The following CAPZA2 variants were observed in gnomAD, a reference collection of about 807,000 sequenced individuals.
CAPZA2 encodes capping actin protein of muscle Z-line subunit alpha 2.
CAPZA2 carries 13 observed loss-of-function variants against 44.0 expected under a neutral mutation model. The ratio of observed to expected loss-of-function variants is 0.30; its 90% CI spans 0.19 to 0.47. The LOEUF (loss-of-function observed/expected upper bound fraction) is 0.47. CAPZA2 is among the 20% of genes least tolerant of loss of function. The pLI is 1.00. For missense variants in CAPZA2, 244 were observed against 338.6 expected (o/e 0.72, Z 2.19); for synonymous variants, 94 against 108.2 (o/e 0.87, Z 0.81).
intron 2 of CAPZA2, among the ~76,000 whole-genome samples, chr7:116,892,517 A>G (rs1796860829): frequency 6.6e-6 from 1 of 152,088 alleles, no homozygotes; most frequent in Non-Finnish European, 1.5e-5. Context: ...AGTGGAGCTC[A>G]TCTCCCCTTT....
At chr7:116,876,263 A>G (rs1332565101) in intron 1 of CAPZA2, 1 of 152,786 alleles carries the variant, frequency 6.5e-6, no homozygotes. Context: ...AAAAAAAAAA[A>G]AAAAGTTTAG....
At chr7:116,880,082 C>T (rs1796672170) in intron 1 of CAPZA2, 1 of 469,818 alleles carries the variant, frequency 2.1e-6, no homozygotes, top group African/African-American at 2.0e-5. Flanking sequence ...GTCAGTGCTA[C>T]ACTTTGAGGA....
At chr7:116,893,687 CTTTTA>C (rs1398635589) in intron 3 of CAPZA2, among the ~76,000 whole-genome samples, 1 of 152,072 alleles carries the variant, frequency 6.6e-6, no homozygotes, top group Non-Finnish European at 1.5e-5. Flanking sequence ...TTTGCATTTT[CTTTTA>C]TGTTTGACCC....
intron 4 of CAPZA2, among the ~76,000 whole-genome samples, chr7:116,899,110 C>T (rs145726813): frequency 1.1e-4 from 17 of 151,968 alleles, no homozygotes; most frequent in Admixed American, 7.2e-4. Flanking sequence ...GGAAAAAAAT[C>T]AATCCCATAT....
chr7:116,903,316 C>T (rs1454079655), intron 4 of CAPZA2, among the ~76,000 whole-genome samples: 2 of 150,544 alleles, frequency 1.3e-5, no homozygotes, highest in East Asian at 3.9e-4. Flanking sequence ...AAATAATGAC[C>T]AGTCGCTTCT....
intron 4 of CAPZA2, 115 bp from the exon 5 acceptor site, chr7:116,904,062 G>A: frequency 1.5e-6 from 1 of 647,836 alleles, no homozygotes; most frequent in Admixed American, 2.8e-5. Flanking sequence ...ATATATGCTT[G>A]GAGTAGGATT....
At chr7:116,915,979 T>G in intron 8 of CAPZA2, 81 bp from the exon 9 acceptor site, 1 of 929,738 alleles carries the variant, frequency 1.1e-6, no homozygotes, top group South Asian at 1.8e-5. Context: ...ATTATAACAT[T>G]ACATTAACCA....
At chr7:116,909,382 G>A (rs947864191) in intron 6 of CAPZA2, among the ~76,000 whole-genome samples, 2 of 151,944 alleles carry the variant, frequency 1.3e-5, no homozygotes, top group Non-Finnish European at 2.9e-5. Flanking sequence ...AATATCAGAC[G>A]CTAAACTACT....
chr7:116,915,502 G>A (rs1410923673), intron 8 of CAPZA2: 1 of 152,170 alleles, frequency 6.6e-6, no homozygotes, highest in Admixed American at 6.6e-5. Context: ...AGTATAAGGT[G>A]TTAGAGACTT....
intron 1 of CAPZA2, chr7:116,880,183 AGT>A (rs1796673665): frequency 2.2e-6 from 1 of 450,734 alleles, no homozygotes; most frequent in Non-Finnish European, 4.5e-6. Context: ...ATATCAAAAA[AGT>A]ACTCATTTGT....
At chr7:116,896,703 G>T (rs1386012473) in intron 3 of CAPZA2, among the ~76,000 whole-genome samples, 1 of 152,138 alleles carries the variant, frequency 6.6e-6, no homozygotes, top group African/African-American at 2.4e-5. Flanking sequence ...AATTCTGCAA[G>T]AGCAGGGAGA....
chr7:116,891,675 C>T (rs1796848363), intron 2 of CAPZA2, among the ~76,000 whole-genome samples: 2 of 152,092 alleles, frequency 1.3e-5, no homozygotes, highest in Admixed American at 6.5e-5. Flanking sequence ...CCACGCCCGG[C>T]TAGTTTTTTG....
chr7:116,866,191 T>C (rs1796480052), intron 1 of CAPZA2, among the ~76,000 whole-genome samples: 1 of 151,684 alleles, frequency 6.6e-6, no homozygotes, highest in Non-Finnish European at 1.5e-5. Flanking sequence ...ATAGACTTTT[T>C]TTTTTTTTTT....
intron 1 of CAPZA2, among the ~76,000 whole-genome samples, chr7:116,884,792 G>T (rs903767152): frequency 6.6e-6 from 1 of 152,154 alleles, no homozygotes; most frequent in African/African-American, 2.4e-5. Flanking sequence ...GTGTCCTGTG[G>T]TGTGTGCTTG....
intron 1 of CAPZA2, among the ~76,000 whole-genome samples, chr7:116,870,416 T>C (rs1036236470): frequency 2.6e-5 from 4 of 152,234 alleles, no homozygotes; most frequent in Non-Finnish European, 5.9e-5. Flanking sequence ...GAGTGTCTAC[T>C]CTATATTTGG....
At position 116,917,741 on chromosome 7, in the gene CAPZA2, G is replaced by A. The variant is rs780031446; in HGVS notation, c.735G>A (p.Glu245=). 3.7e-6 allele frequency: 6 copies of A among 1,607,958 alleles called. No homozygotes were observed. The highest frequency in any genetic ancestry group is 1.7e-5 in the Admixed American group (1 of 60,016). ...GTTTTTCATAGACTGCCATCAGTGA[G>A]AATTATCAGACAATGTCGGACACTA... ...AENEYQTAIS[E]NYQTMSDTTF... Residue 245 remains glutamate (E), a synonymous_variant, in exon 10 of 10, where the codon GAG becomes GAA. Transcript: ENST00000361183.
chr7:116,890,777 C>CAAAAAAAA (rs576504004), intron 2 of CAPZA2, among the ~76,000 whole-genome samples: 2 of 53,430 alleles, frequency 3.7e-5, no homozygotes, highest in South Asian at 1.2e-3. Context: ...GACTCTGTCT[C>CAAAAAAAA]AAAAAAAAAA....
At position 116,865,177 on chromosome 7, in the gene CAPZA2, C is replaced by CTTTTTTTTT. The variant is rs1011886318; in HGVS notation, c.39+2545_39+2553dup. On this transcript the variant is annotated intron_variant, in intron 1 of 9. Coordinates refer to ENST00000361183, the MANE Select transcript of CAPZA2 (RefSeq NM_006136.3). ...TTCTTGTGACATTATGCGCTCTCTT[C>CTTTTTTTTT]TTTTTTTTTTTTTTTTTTTTTTTTT... Among the ~76,000 whole-genome samples, 21 of 87,990 alleles carry CTTTTTTTTT rather than the reference C, an allele frequency of 2.4e-4. 1 individual carries two copies. The highest frequency in any genetic ancestry group is 8.1e-4 in the East Asian group (2 of 2,470). The allele number at this position is 87,990 out of a possible 152,430, so 57.7% of individuals were successfully genotyped here.
At chr7:116,914,432 T>TATACAC in intron 8 of CAPZA2, among the ~76,000 whole-genome samples, 1 of 145,234 alleles carries the variant, frequency 6.9e-6, no homozygotes, top group African/African-American at 2.6e-5. Flanking sequence ...TATACATACA[T>TATACAC]ACACACACAC....
Sources: gnomAD v4.1 joint callset for allele counts (sites outside exome capture counted in the v4.1 genomes callset) on GRCh38, gnomAD v4.1.1 for gene constraint, MANE v1.5 for transcripts, NCBI Gene and HGNC (gene_info 2026-07-23, HGNC 2026-07-21) for gene names.